Variants in SETD5 observed in about 807,000 individuals in gnomAD.
SETD5 encodes the protein histone-lysine N-methyltransferase SETD5.
Under a neutral mutation model 153.3 loss-of-function variants are expected in SETD5, and 44 were observed. That is an observed-to-expected ratio of 0.29 (90% CI 0.23 to 0.37). SETD5 has a LOEUF of 0.37. SETD5 is among the 10% of genes least tolerant of loss of function. The pLI is 1.00. For missense variants in SETD5, 1,544 were observed against 1,768.0 expected (o/e 0.87, Z 2.27); for synonymous variants, 716 against 645.2 (o/e 1.11, Z -1.66).
intron 1 of SETD5, among the ~76,000 whole-genome samples, chr3:9,418,233 ATTTG>A (rs1241749778): frequency 1.3e-5 from 2 of 152,042 alleles, no homozygotes; most frequent in Non-Finnish European, 2.9e-5. Context: ...AGTTTTGATA[ATTTG>A]TTTGAAACGA....
At chr3:9,410,637 C>G (rs1214244090) in intron 1 of SETD5, among the ~76,000 whole-genome samples, 1 of 152,186 alleles carries the variant, frequency 6.6e-6, no homozygotes, top group Non-Finnish European at 1.5e-5. Context: ...GTATGTTAGA[C>G]TCAACAGAGT....
chr3:9,427,842 G>A (rs1196282021), intron 2 of SETD5, among the ~76,000 whole-genome samples: 1 of 152,138 alleles, frequency 6.6e-6, no homozygotes, highest in Non-Finnish European at 1.5e-5. Context: ...AAGAACACTT[G>A]TTTCCCTCTG....
At chr3:9,398,148 C>T (rs984719723) in intron 1 of SETD5, among the ~76,000 whole-genome samples, 171 bp downstream of exon 1, 4 of 151,614 alleles carry the variant, frequency 2.6e-5, no homozygotes, top group African/African-American at 7.3e-5. Context: ...TTGCACACAC[C>T]GTTGCAACAC....
intron 1 of SETD5, among the ~76,000 whole-genome samples, chr3:9,415,778 G>C (rs1395368390): frequency 6.6e-6 from 1 of 151,606 alleles, no homozygotes; most frequent in African/African-American, 2.4e-5. Context: ...GCCCAGGGTG[G>C]CCTCAAAACT....
At chr3:9,437,072 A>G (rs2040656490) in intron 7 of SETD5, among the ~76,000 whole-genome samples, 1 of 152,186 alleles carries the variant, frequency 6.6e-6, no homozygotes, top group South Asian at 2.1e-4. Context: ...ATTTTCTGAA[A>G]TATTTTCCCT....
intron 1 of SETD5, among the ~76,000 whole-genome samples, chr3:9,415,841 G>C (rs2037336421): frequency 6.7e-6 from 1 of 149,762 alleles, no homozygotes; most frequent in Admixed American, 6.6e-5. Flanking sequence ...TAGGATACAG[G>C]TGTGAGCCAC....
intron 1 of SETD5, among the ~76,000 whole-genome samples, chr3:9,419,137 A>ATT (rs1263243938): frequency 1.3e-5 from 2 of 152,078 alleles, no homozygotes; most frequent in Non-Finnish European, 2.9e-5. Flanking sequence ...CACTTACAGG[A>ATT]TTTTTCTCCC....
At chr3:9,412,979 C>G (rs1209789666) in intron 1 of SETD5, among the ~76,000 whole-genome samples, 1 of 152,100 alleles carries the variant, frequency 6.6e-6, no homozygotes, top group African/African-American at 2.4e-5. Context: ...TCTCATGCCT[C>G]AGCCTCCCAG....
At chr3:9,465,000 C>T (rs947380247) in intron 18 of SETD5, 2 of 340,212 alleles carry the variant, frequency 5.9e-6, no homozygotes, top group Admixed American at 4.0e-5. Flanking sequence ...CAAAATAGGC[C>T]TCTAGCTGCC....
rs1001945356 is a variant in SETD5 at position 9,455,175 on chromosome 3, T to C, written c.2476+1307T>C. ...GCCTTTTTTTCTTTTTTTCTTTTTT[T>C]TTTTTTTTTTTTTTTGAAATGGAGA... On this transcript the variant is annotated intron_variant, in intron 17 of 22. Transcript: ENST00000402198. 9.0e-4 allele frequency among the ~76,000 whole-genome samples: 126 copies of C among 140,486 alleles called. 1 individual carries two copies. Among genetic ancestry groups the C allele is most frequent in the African/African-American group, 3.0e-3 (112 of 37,574 alleles). 92.2% of individuals were successfully genotyped at this position (140,486 alleles called of 152,430 possible). A position where few individuals can be genotyped will look rare whatever the true frequency, so the allele number is the denominator to read the frequency against.
rs980194105 is a variant in SETD5 at position 9,447,612 on chromosome 3, T to C, written c.1783-74T>C. The stretch of plus-strand genomic sequence containing the variant: ...TTCATCAGTAGACATTCTGAATGCT[T>C]AAAGTGAATAGGAAATTAGACTGTT... On this transcript the variant is annotated intron_variant, in intron 14 of 22. Coordinates refer to ENST00000402198, the MANE Select transcript of SETD5 (RefSeq NM_001080517.3). 5.4e-6 allele frequency: 8 copies of C among 1,483,332 alleles called. No individual in the cohort carries two copies. In the Admixed American group the frequency reaches 1.2e-4, roughly 22 times the overall value. The allele number at this position is 1,483,332 out of a possible 1,614,324, so 91.9% of individuals were successfully genotyped here. A position where few individuals can be genotyped will look rare whatever the true frequency, so the allele number is the denominator to read the frequency against.
At chr3:9,413,216 G>T (rs75524143) in intron 1 of SETD5, among the ~76,000 whole-genome samples, 1 of 152,036 alleles carries the variant, frequency 6.6e-6, no homozygotes, top group African/African-American at 2.4e-5. Flanking sequence ...AAATAGAGTA[G>T]CCTACATATA....
At chr3:9,439,278 G>T (rs2125153825) in intron 7 of SETD5, among the ~76,000 whole-genome samples, 1 of 152,302 alleles carries the variant, frequency 6.6e-6, no homozygotes, top group South Asian at 2.1e-4. Context: ...ACTCTAGTAA[G>T]AAATGTGGAG....
intron 18 of SETD5, chr3:9,468,409 C>T (rs552014567): frequency 5.1e-5 from 41 of 806,604 alleles, no homozygotes; most frequent in Middle Eastern, 2.8e-4. Flanking sequence ...AACTTCCCCG[C>T]CCCCGAAAAA....
intron 15 of SETD5, 37 bp downstream of exon 15, chr3:9,448,043 G>C: frequency 6.3e-7 from 1 of 1,577,740 alleles, no homozygotes; most frequent in Non-Finnish European, 8.6e-7. Flanking sequence ...GTCCAGTCTG[G>C]CAAGGGCTGT....
At chr3:9,425,053 T>TTG (rs1559380206) in intron 2 of SETD5, among the ~76,000 whole-genome samples, 1 of 145,796 alleles carries the variant, frequency 6.9e-6, no homozygotes, top group Non-Finnish European at 1.5e-5. Flanking sequence ...CCGACAATGT[T>TTG]TCTTTTTTTT....
intron 20 of SETD5, among the ~76,000 whole-genome samples, chr3:9,473,990 A>G (rs2045600310): frequency 6.6e-6 from 1 of 152,230 alleles, no homozygotes; most frequent in Non-Finnish European, 1.5e-5. Flanking sequence ...AAAATGAATA[A>G]TACTGGTGGC....
chr3:9,435,940 G>C (rs370696878), intron 7 of SETD5, 34 bp downstream of exon 7: 5 of 1,522,486 alleles, frequency 3.3e-6, no homozygotes, highest in Non-Finnish European at 4.4e-6. Flanking sequence ...AATAGAAATT[G>C]TCTGAAATAG....
rs78147133 is a variant in SETD5 at position 9,473,057 on chromosome 3, G to A, written c.3196-179G>A. ...CCAGCTGCCTTAAATATGTAGCTGT[G>A]CTCAGATCTCTTTCATACTCCCCAA... On this transcript the variant is annotated intron_variant, in intron 19 of 22. Transcript: ENST00000402198. Among the ~76,000 whole-genome samples, 1,397 of 152,218 alleles carry A rather than the reference G, an allele frequency of 9.2e-3. 14 individuals are homozygous for A. Among genetic ancestry groups the A allele is most frequent in the Non-Finnish European group, 0.015 (1,009 of 68,008 alleles).
Sources: allele counts gnomAD v4.1 joint callset (sites outside exome capture counted in the v4.1 genomes callset), GRCh38; gene constraint gnomAD v4.1.1; transcripts MANE v1.5; gene names NCBI Gene and HGNC (gene_info 2026-07-23, HGNC 2026-07-21).